Variants in LRRTM4 observed in about 807,000 individuals in gnomAD.
LRRTM4 encodes the protein leucine rich repeat transmembrane neuronal 4.
A neutral mutation model predicts 47.6 loss-of-function variants in LRRTM4; 25 were observed. The observed-to-expected ratio is 0.53, with a 90% confidence interval of 0.38 to 0.73. The LOEUF (loss-of-function observed/expected upper bound fraction) is 0.73. Ranked by LOEUF, LRRTM4 falls within the 30% of genes least tolerant of loss-of-function variation. The pLI, the probability that LRRTM4 is intolerant of heterozygous loss-of-function variation, is 0.00. For synonymous variants in LRRTM4, 311 were observed against 269.5 expected, an observed-to-expected ratio of 1.15 and a Z score of -1.51; for missense variants, 638 against 713.4, an observed-to-expected ratio of 0.89 and a Z score of 1.20.
At chr2:76,918,103 T>C (rs572567301) in intron 3 of LRRTM4, among the ~76,000 whole-genome samples, 1 of 152,334 alleles carries the variant, frequency 6.6e-6, no homozygotes, top group East Asian at 1.9e-4. Context: ...ATTCACATAT[T>C]ATCTTTTCAC....
intron 3 of LRRTM4, among the ~76,000 whole-genome samples, chr2:77,291,270 T>TA (rs1676815892): frequency 6.6e-6 from 1 of 152,070 alleles, no homozygotes; most frequent in Non-Finnish European, 1.5e-5. Context: ...TAATTTGGTA[T>TA]AAAAAGTGAA....
At chr2:76,753,568 A>T (rs1449277322) in intron 3 of LRRTM4, among the ~76,000 whole-genome samples, 1 of 152,170 alleles carries the variant, frequency 6.6e-6, no homozygotes, top group Non-Finnish European at 1.5e-5. Context: ...TGAAGAAGTT[A>T]AAAGTGACAC....
chr2:77,090,822 C>T (rs554306737), intron 3 of LRRTM4, among the ~76,000 whole-genome samples: 232 of 151,580 alleles, frequency 1.5e-3, no homozygotes, highest in Non-Finnish European at 2.6e-3. Flanking sequence ...ACTGACTCCT[C>T]CTCGGCTTAG....
At chr2:76,763,687 G>A (rs1673346760) in intron 3 of LRRTM4, among the ~76,000 whole-genome samples, 1 of 152,298 alleles carries the variant, frequency 6.6e-6, no homozygotes, top group South Asian at 2.1e-4. Context: ...TTTTGGATCT[G>A]GGTCATGGGT....
chr2:76,773,802 T>C (rs1673824406), intron 3 of LRRTM4, among the ~76,000 whole-genome samples: 1 of 151,028 alleles, frequency 6.6e-6, no homozygotes, highest in Admixed American at 6.6e-5. Context: ...TCAAAGTTTT[T>C]GGCATTTTTT....
At chr2:77,485,704 T>A (rs888054827) in intron 3 of LRRTM4, among the ~76,000 whole-genome samples, 20 of 152,292 alleles carry the variant, frequency 1.3e-4, no homozygotes, top group African/African-American at 4.8e-4. Context: ...GCTTCTCTCA[T>A]ACACTTCTTC....
intron 3 of LRRTM4, among the ~76,000 whole-genome samples, chr2:77,220,702 A>C (rs2103946593): frequency 6.6e-6 from 1 of 152,362 alleles, no homozygotes; most frequent in Non-Finnish European, 1.5e-5. Context: ...ATATGGGACT[A>C]TGTGAAAAGA....
intron 3 of LRRTM4, among the ~76,000 whole-genome samples, chr2:77,151,230 T>C (rs905707418): frequency 1.3e-5 from 2 of 152,082 alleles, no homozygotes; most frequent in African/African-American, 4.8e-5. Flanking sequence ...TACCATATTG[T>C]TAATGGTAAG....
intron 3 of LRRTM4, among the ~76,000 whole-genome samples, chr2:77,398,839 C>T (rs1180366965): frequency 2.0e-5 from 3 of 151,728 alleles, no homozygotes; most frequent in African/African-American, 7.3e-5. Context: ...AAGTGGCCAA[C>T]CCAGAGATTC....
intron 3 of LRRTM4, among the ~76,000 whole-genome samples, chr2:76,907,018 AC>A (rs1431095517): frequency 6.6e-6 from 1 of 152,146 alleles, no homozygotes; most frequent in Non-Finnish European, 1.5e-5. Context: ...AGAACTCTCC[AC>A]CCCAAATCAA....
At chr2:76,971,098 C>T (rs1350236806) in intron 3 of LRRTM4, among the ~76,000 whole-genome samples, 1 of 151,976 alleles carries the variant, frequency 6.6e-6, no homozygotes, top group Non-Finnish European at 1.5e-5. Context: ...GCAATACTGG[C>T]TGTGCTAGGG....
intron 3 of LRRTM4, among the ~76,000 whole-genome samples, chr2:77,432,013 G>A (rs1288965427): frequency 6.6e-6 from 1 of 152,156 alleles, no homozygotes; most frequent in African/African-American, 2.4e-5. Flanking sequence ...GGCAGAGGTT[G>A]CAGTGAGCCT....
chr2:77,294,412 G>A lies in LRRTM4; in HGVS notation c.1551+223906C>T, dbSNP rs187021019. 1.8e-3 allele frequency among the ~76,000 whole-genome samples: 271 copies of A among 152,178 alleles called. 1 individual carries two copies. The highest frequency in any genetic ancestry group is 3.2e-3 in the Non-Finnish European group (221 of 68,004). On this transcript the variant is annotated intron_variant, in intron 3 of 3. Coordinates refer to ENST00000409884, the MANE Select transcript of LRRTM4 (RefSeq NM_001134745.3). ...AGATATAGTAAGAATGCATGCATTT[G>A]GCAGAATGTATTCATATAGGTTAAA...
At chr2:77,255,121 G>A (rs139580162) in intron 3 of LRRTM4, among the ~76,000 whole-genome samples, 1,632 of 151,970 alleles carry the variant, frequency 0.011, 29 homozygotes, top group African/African-American at 0.037. Context: ...AAAGAAAACA[G>A]TCATAGCTGT....
chr2:76,904,152 C>T (rs1326155593), intron 3 of LRRTM4, among the ~76,000 whole-genome samples: 5 of 152,192 alleles, frequency 3.3e-5, no homozygotes, highest in African/African-American at 1.2e-4. Flanking sequence ...ATAATTGAGA[C>T]TCAGACATAA....
chr2:77,513,887 T>C (rs1026574116), intron 3 of LRRTM4, among the ~76,000 whole-genome samples: 4 of 152,066 alleles, frequency 2.6e-5, no homozygotes, highest in Non-Finnish European at 1.5e-5. Context: ...TTTTCAGATA[T>C]GATAATACAT....
chr2:77,115,523 C>A (rs556378206), intron 3 of LRRTM4, among the ~76,000 whole-genome samples: 2 of 152,260 alleles, frequency 1.3e-5, no homozygotes, highest in East Asian at 3.9e-4. Flanking sequence ...GATAAATGTA[C>A]ATGAAATCTT....
intron 3 of LRRTM4, among the ~76,000 whole-genome samples, chr2:77,058,209 G>A (rs1468131217): frequency 3.9e-5 from 6 of 152,082 alleles, no homozygotes; most frequent in African/African-American, 1.4e-4. Context: ...CATTTCATAG[G>A]TCACAAATCA....
chr2:77,100,601 A>T (rs1380080055), intron 3 of LRRTM4, among the ~76,000 whole-genome samples: 1 of 152,158 alleles, frequency 6.6e-6, no homozygotes, highest in South Asian at 2.1e-4. Context: ...CCTCTTCACA[A>T]GTAGAACAAT....
Sources: gnomAD v4.1 joint callset for allele counts (sites outside exome capture counted in the v4.1 genomes callset) on GRCh38, gnomAD v4.1.1 for gene constraint, MANE v1.5 for transcripts, NCBI Gene and HGNC (gene_info 2026-07-23, HGNC 2026-07-21) for gene names.